The following MYO16 variants were observed in gnomAD, a reference collection of about 807,000 sequenced individuals.
MYO16 encodes the protein myosin XVI, also known as unconventional myosin-XVI.
Under a neutral mutation model 205.3 loss-of-function variants are expected in MYO16, and 94 were observed. That is an observed-to-expected ratio of 0.46 (90% confidence interval 0.39 to 0.54). The LOEUF (loss-of-function observed/expected upper bound fraction) is 0.54. Ranked by LOEUF, MYO16 falls within the 20% of genes least tolerant of loss-of-function variation. The pLI is 0.00. For synonymous variants in MYO16, 988 were observed against 954.0 expected (o/e 1.04, Z -0.66); for missense variants, 2,315 against 2,387.5 (o/e 0.97, Z 0.63).
At chr13:108,988,293 C>T (rs1429533882) in intron 20 of MYO16, among the ~76,000 whole-genome samples, 1 of 152,074 alleles carries the variant, frequency 6.6e-6, no homozygotes, top group African/African-American at 2.4e-5. Flanking sequence ...GCCAATGTTG[C>T]TATTGCAGTA....
intron 3 of MYO16, among the ~76,000 whole-genome samples, chr13:108,719,842 C>T (rs195249): frequency 0.67 from 101,724 of 151,998 alleles, 34,353 homozygotes; most frequent in East Asian, 0.93. Flanking sequence ...GTAGTTACTA[C>T]GTAATTCACC....
At chr13:108,595,275 C>T (rs1358595176), upstream of MYO16, among the ~76,000 whole-genome samples, 1 of 152,074 alleles carries the variant, frequency 6.6e-6, no homozygotes. Context: ...ATTAGTTTTG[C>T]TCCAGTTGTC....
chr13:108,878,184 C>T (rs921556608), intron 12 of MYO16, among the ~76,000 whole-genome samples: 19 of 152,154 alleles, frequency 1.2e-4, no homozygotes, highest in Non-Finnish European at 1.5e-4. Context: ...CACCCTCAAG[C>T]CTGGTAACCC....
At chr13:109,145,766 C>T (rs898158081) in intron 32 of MYO16, among the ~76,000 whole-genome samples, 2 of 152,188 alleles carry the variant, frequency 1.3e-5, no homozygotes, top group African/African-American at 2.4e-5. Context: ...CTCTGAATGG[C>T]ATCTCAGCGT....
intron 20 of MYO16, among the ~76,000 whole-genome samples, chr13:108,986,426 C>G (rs756085426): frequency 2.6e-5 from 4 of 151,784 alleles, no homozygotes; most frequent in Non-Finnish European, 4.4e-5. Context: ...AGTTTGAGAC[C>G]AGCCTGGCCA....
intron 34 of MYO16, among the ~76,000 whole-genome samples, chr13:109,192,490 G>A (rs1483520474): frequency 1.3e-5 from 2 of 152,122 alleles, no homozygotes; most frequent in Non-Finnish European, 2.9e-5. Flanking sequence ...GAGTCACAGT[G>A]GCAGATGCTG....
chr13:109,077,860 T>C (rs9555556), intron 27 of MYO16, among the ~76,000 whole-genome samples: 73,180 of 151,948 alleles, frequency 0.48, 17,874 homozygotes, highest in Middle Eastern at 0.55. Context: ...TCAAATATTT[T>C]TTCTATTCTT....
At chr13:108,832,607 A>G (rs1189250986) in intron 9 of MYO16, among the ~76,000 whole-genome samples, 1 of 152,126 alleles carries the variant, frequency 6.6e-6, no homozygotes, top group African/African-American at 2.4e-5. Context: ...CCCAGTTGGC[A>G]CCTTAAGTTC....
intron 2 of MYO16, among the ~76,000 whole-genome samples, chr13:108,674,226 A>G (rs1882108564): frequency 6.6e-6 from 1 of 152,192 alleles, no homozygotes. Context: ...TTTTACACAT[A>G]AAAAAGTGAA....
chr13:108,888,650 T>A (rs1047742995), intron 14 of MYO16, among the ~76,000 whole-genome samples, 173 bp downstream of exon 14: 1 of 152,230 alleles, frequency 6.6e-6, no homozygotes, highest in African/African-American at 2.4e-5. Flanking sequence ...GAGTGAACAT[T>A]TATTTATTTT....
chr13:108,597,251 A>G (rs1439025585), intron 1 of MYO16, among the ~76,000 whole-genome samples: 2 of 152,224 alleles, frequency 1.3e-5, no homozygotes, highest in Non-Finnish European at 2.9e-5. Flanking sequence ...ATAAATACAC[A>G]TGGTGAAAAT....
At chr13:108,524,391 C>G in the MYO16 span, among the ~76,000 whole-genome samples, 3 of 152,110 alleles carry the variant, frequency 2.0e-5, no homozygotes, top group East Asian at 5.8e-4. Context: ...TCTGTTTTCG[C>G]CATGTGAATT....
intron 34 of MYO16, among the ~76,000 whole-genome samples, chr13:109,197,217 G>T (rs1042822995): frequency 2.0e-5 from 3 of 152,188 alleles, no homozygotes; most frequent in African/African-American, 7.2e-5. Flanking sequence ...TTTCAGAGCA[G>T]CCGAGCATTT....
chr13:108,858,861 T>C (rs1285891426), intron 11 of MYO16, among the ~76,000 whole-genome samples: 1 of 152,198 alleles, frequency 6.6e-6, no homozygotes, highest in South Asian at 2.1e-4. Context: ...CGTCAGATGC[T>C]GGCACCCTAC....
chr13:108,551,552 C>G, the MYO16 span, among the ~76,000 whole-genome samples: 16 of 152,118 alleles, frequency 1.1e-4, no homozygotes, highest in Admixed American at 9.2e-4. Context: ...CTTAACTGTC[C>G]TATCTATGTA....
intron 33 of MYO16, among the ~76,000 whole-genome samples, chr13:109,169,640 A>G (rs1878847384): frequency 6.6e-6 from 1 of 152,160 alleles, no homozygotes. Flanking sequence ...AAAAAAAAGA[A>G]CTAACGAAAA....
At chr13:108,517,281 C>T in the MYO16 span, among the ~76,000 whole-genome samples, 5 of 152,026 alleles carry the variant, frequency 3.3e-5, no homozygotes, top group South Asian at 2.1e-4. Flanking sequence ...CCCCTGGATA[C>T]GTATGTGTAC....
chr13:108,866,327 A>AG (rs138549867), intron 12 of MYO16, 85 bp downstream of exon 12: 1 of 770,920 alleles, frequency 1.3e-6, no homozygotes, highest in Non-Finnish European at 2.0e-6. Context: ...ACTAAAAAAA[A>AG]CAGGCAAACT....
At chr13:108,817,811 G>A (rs1875715449) in intron 7 of MYO16, among the ~76,000 whole-genome samples, 1 of 152,136 alleles carries the variant, frequency 6.6e-6, no homozygotes, top group South Asian at 2.1e-4. Flanking sequence ...TTTATCAATT[G>A]AGTATGAGCT....
Sources: allele counts gnomAD v4.1 joint callset (sites outside exome capture counted in the v4.1 genomes callset), GRCh38; gene constraint gnomAD v4.1.1; transcripts MANE v1.5; gene names NCBI Gene and HGNC (gene_info 2026-07-23, HGNC 2026-07-21).